Variants in DGKB observed in about 807,000 individuals in gnomAD.
DGKB encodes the protein diacylglycerol kinase beta.
A neutral mutation model predicts 114.3 loss-of-function variants in DGKB; 67 were observed. The observed-to-expected ratio is 0.59, with a 90% CI of 0.48 to 0.72. The LOEUF (loss-of-function observed/expected upper bound fraction) is 0.72, where lower values mean the gene tolerates loss of function less well. Ranked by LOEUF, DGKB falls within the 30% of genes least tolerant of loss-of-function variation. The pLI is 0.00. For synonymous variants in DGKB, 398 were observed against 323.1 expected (o/e 1.23, Z -2.49); for missense variants, 907 against 975.2 (o/e 0.93, Z 0.93).
chr7:14,594,116 T>G lies in DGKB; in HGVS notation c.1434-10979A>C, dbSNP rs556954054. On this transcript the variant is annotated intron_variant, in intron 17 of 25. Transcript: ENST00000402815. ...AATGAGATCTTTAAACTAACTTTGT[T>G]GTAATTTTGTTTTTTAACACTGAAG... Among the ~76,000 whole-genome samples the G allele has an allele frequency of 2.4e-4, 36 of 152,224 alleles. 1 individual carries two copies. The Middle Eastern group carries it at 0.014, about 58-fold the overall frequency.
intron 5 of DGKB, among the ~76,000 whole-genome samples, chr7:14,728,051 C>T (rs1830280885): frequency 6.6e-6 from 1 of 152,160 alleles, no homozygotes; most frequent in Non-Finnish European, 1.5e-5. Flanking sequence ...GGGCGTGACT[C>T]AAATGCACAG....
intron 1 of DGKB, among the ~76,000 whole-genome samples, chr7:14,966,450 A>T (rs1189130481): frequency 6.6e-6 from 1 of 151,638 alleles, no homozygotes. Context: ...TTGTGTGTAT[A>T]TATATATATA....
intron 21 of DGKB, among the ~76,000 whole-genome samples, chr7:14,440,202 A>G (rs2128810329): frequency 6.6e-6 from 1 of 152,250 alleles, no homozygotes; most frequent in African/African-American, 2.4e-5. Context: ...TATCACTAAC[A>G]GGCTTCAGAT....
intron 20 of DGKB, among the ~76,000 whole-genome samples, chr7:14,487,264 C>T (rs1783956620): frequency 6.6e-6 from 1 of 152,134 alleles, no homozygotes. Flanking sequence ...TAGCAGTTTC[C>T]TCCGGTTTGC....
chr7:14,754,047 C>A (rs1394914125), intron 3 of DGKB, 99 bp from the exon 4 acceptor site: 1 of 884,160 alleles, frequency 1.1e-6, no homozygotes, highest in Non-Finnish European at 1.8e-6. Context: ...TTCAAGTTTA[C>A]AGGTTGATTT....
At chr7:14,429,647 G>T (rs530554053) in intron 21 of DGKB, among the ~76,000 whole-genome samples, 3 of 152,128 alleles carry the variant, frequency 2.0e-5, no homozygotes, top group Admixed American at 2.0e-4. Context: ...TGGGGGCCAG[G>T]CACGGTGGTT....
intron 1 of DGKB, among the ~76,000 whole-genome samples, chr7:14,863,094 T>C (rs1435278852): frequency 2.7e-5 from 4 of 149,198 alleles, no homozygotes; most frequent in East Asian, 2.0e-4. Flanking sequence ...TTTTTAATAA[T>C]ATTATTTTTA....
In DGKB at chr7:14,682,735, G is replaced by T. The variant is rs762032607; in HGVS notation, c.918+18C>A. On this transcript the variant is annotated intron_variant, in intron 11 of 25. Coordinates refer to ENST00000402815, the MANE Select transcript of DGKB (RefSeq NM_001350709.2). Reference sequence around the variant, plus strand: ...CATAATGGCCACCTTCAGAAAGCAAGCATGCACACAAACTTACATCAGTGT... The same window carrying T: ...CATAATGGCCACCTTCAGAAAGCAATCATGCACACAAACTTACATCAGTGT... 3.1e-6 allele frequency: 5 copies of T among 1,609,878 alleles called. No individual in the cohort carries two copies. The South Asian group carries it at 5.5e-5, about 18-fold the overall frequency.
At chr7:14,308,978 G>A (rs1030718867) in intron 23 of DGKB, among the ~76,000 whole-genome samples, 2 of 152,178 alleles carry the variant, frequency 1.3e-5, no homozygotes, top group African/African-American at 4.8e-5. Flanking sequence ...CACTTTGGAA[G>A]GCTGAGGAAG....
chr7:14,313,572 G>C (rs568961337), intron 23 of DGKB, among the ~76,000 whole-genome samples: 5 of 152,166 alleles, frequency 3.3e-5, no homozygotes, highest in African/African-American at 7.2e-5. Flanking sequence ...GCGCTTTTCC[G>C]ACGGGCTTAA....
intron 23 of DGKB, among the ~76,000 whole-genome samples, chr7:14,269,496 A>G (rs1797974792): frequency 6.6e-6 from 1 of 152,210 alleles, no homozygotes; most frequent in Admixed American, 6.5e-5. Context: ...TGCTGCTATG[A>G]GCCACGGTTA....
At chr7:14,584,698 G>A (rs950381130) in intron 17 of DGKB, among the ~76,000 whole-genome samples, 6 of 149,836 alleles carry the variant, frequency 4.0e-5, no homozygotes, top group South Asian at 2.1e-4. Context: ...CACTTTTGTC[G>A]CCCAATATGG....
chr7:14,834,526 A>G (rs557620418), intron 2 of DGKB, among the ~76,000 whole-genome samples: 8 of 152,234 alleles, frequency 5.3e-5, no homozygotes, highest in Non-Finnish European at 1.2e-4. Flanking sequence ...GCACACAGTC[A>G]CGAGTGCTCT....
chr7:14,590,710 T>C (rs1217038770), intron 17 of DGKB, among the ~76,000 whole-genome samples: 1 of 152,158 alleles, frequency 6.6e-6, no homozygotes, highest in African/African-American at 2.4e-5. Flanking sequence ...ATTCTGACCC[T>C]CAGTTTCCAT....
chr7:14,216,741 A>T (rs1036614920), intron 23 of DGKB, among the ~76,000 whole-genome samples: 5 of 150,984 alleles, frequency 3.3e-5, no homozygotes, highest in African/African-American at 1.2e-4. Context: ...AAAAAAAAAA[A>T]AAAAAAAGAA....
intron 1 of DGKB, among the ~76,000 whole-genome samples, chr7:14,957,225 A>G (rs1360553698): frequency 1.3e-5 from 2 of 152,116 alleles, no homozygotes; most frequent in African/African-American, 4.8e-5. Flanking sequence ...GAATTTGAAC[A>G]TCCCTAACAA....
intron 2 of DGKB, among the ~76,000 whole-genome samples, chr7:14,831,952 T>A (rs1481470078): frequency 6.6e-6 from 1 of 151,798 alleles, no homozygotes; most frequent in Non-Finnish European, 1.5e-5. Context: ...CAATAAAGAA[T>A]ATATCTCGGA....
intron 5 of DGKB, among the ~76,000 whole-genome samples, chr7:14,734,047 GGT>G (rs985079887): frequency 1.9e-4 from 28 of 147,828 alleles, no homozygotes; most frequent in African/African-American, 6.9e-4. Flanking sequence ...GTGTGTGTGT[GGT>G]GTGTGAAATG....
chr7:14,302,513 C>T (rs902204835), intron 23 of DGKB, among the ~76,000 whole-genome samples: 2 of 152,150 alleles, frequency 1.3e-5, no homozygotes, highest in Admixed American at 1.3e-4. Flanking sequence ...AACAGCCTGC[C>T]CCCGGCCCCA....
Sources: gnomAD v4.1 joint callset for allele counts (sites outside exome capture counted in the v4.1 genomes callset) on GRCh38, gnomAD v4.1.1 for gene constraint, MANE v1.5 for transcripts, NCBI Gene and HGNC (gene_info 2026-07-23, HGNC 2026-07-21) for gene names.